Variants in RANBP3 observed in about 807,000 individuals in gnomAD.
RANBP3 encodes the protein ran-binding protein 3.
Under a neutral mutation model 77.3 loss-of-function variants are expected in RANBP3, and 14 were observed. The ratio of observed to expected loss-of-function variants is 0.18; its 90% CI spans 0.12 to 0.28. The LOEUF (loss-of-function observed/expected upper bound fraction) is 0.28, where lower values mean the gene tolerates loss of function less well. RANBP3 is among the 10% of genes least tolerant of loss of function. The pLI, the probability that RANBP3 is intolerant of heterozygous loss-of-function variation, is 1.00. For missense variants in RANBP3, 586 were observed against 752.3 expected, an observed-to-expected ratio of 0.78 and a Z score of 2.59; for synonymous variants, 315 against 312.4, an observed-to-expected ratio of 1.01 and a Z score of -0.09.
intron 1 of RANBP3, among the ~76,000 whole-genome samples, chr19:5,962,377 TG>T (rs1049114197): frequency 6.6e-6 from 1 of 152,180 alleles, no homozygotes; most frequent in African/African-American, 2.4e-5. Flanking sequence ...GGGTGTGTGG[TG>T]ACAGCATCTA....
intron 3 of RANBP3, among the ~76,000 whole-genome samples, chr19:5,944,305 T>C (rs1001634781): frequency 6.6e-6 from 1 of 152,188 alleles, no homozygotes; most frequent in Non-Finnish European, 1.5e-5. Context: ...GGAACCTTTC[T>C]AGAAATGCCA....
intron 5 of RANBP3, chr19:5,935,976 A>C (rs918674102): frequency 2.5e-5 from 8 of 313,776 alleles, no homozygotes; most frequent in Middle Eastern, 7.1e-4. Flanking sequence ...GAGGAAGAGG[A>C]CCCCTCCCGC....
Position 5,916,193 on chromosome 19 carries a change from A to G in RANBP3, c.*1417T>C, listed in dbSNP as rs748798097. 1 of 152,194 alleles carries G rather than the reference A, an allele frequency of 6.6e-6. No individual in the cohort carries two copies. Among genetic ancestry groups the G allele is most frequent in the Non-Finnish European group, 1.5e-5 (1 of 68,026 alleles). The allele number at this position is 152,194 out of a possible 1,614,324, so 9.4% of individuals were successfully genotyped here. On this transcript the variant is annotated 3_prime_UTR_variant, in exon 17 of 17. Transcript: ENST00000340578. ...AATACATTTCATATGACAATCTTAC[A>G]TAAATGTTCCAAAACACATGGGCGT...
intron 3 of RANBP3, 58 bp downstream of exon 3, chr19:5,951,335 G>A: frequency 6.9e-7 from 1 of 1,456,682 alleles, no homozygotes; most frequent in Non-Finnish European, 9.4e-7. Context: ...AGGGAAAGTG[G>A]CTGGTCTGGG....
chr19:5,947,207 G>A (rs992358955), intron 3 of RANBP3, among the ~76,000 whole-genome samples: 16 of 151,870 alleles, frequency 1.1e-4, no homozygotes, highest in Middle Eastern at 6.8e-3. Context: ...CCAGCTACTC[G>A]GGAGGCTGAG....
chr19:5,917,284 G>T lies in RANBP3; in HGVS notation c.*326C>A. On this transcript the variant is annotated 3_prime_UTR_variant, in exon 17 of 17. Coordinates refer to ENST00000340578, the MANE Select transcript of RANBP3 (RefSeq NM_007322.3). ...GCTCTGGCTGGACCCAGAGGCTGGC[G>T]ACACGCGGGGTGAAGGAACGAGGTC... 1 of 401,246 alleles carries T rather than the reference G, an allele frequency of 2.5e-6. No individual in the cohort carries two copies. Among genetic ancestry groups the T allele is most frequent in the Non-Finnish European group, 4.6e-6 (1 of 219,718 alleles). The allele number at this position is 401,246 out of a possible 1,614,324, so 24.9% of individuals were successfully genotyped here.
In RANBP3 at chr19:5,958,502, T is replaced by C. The variant is rs1335419760; in HGVS notation, c.23-529A>G. 1.3e-5 allele frequency among the ~76,000 whole-genome samples: 2 copies of C among 152,258 alleles called. No homozygotes were observed. The highest frequency in any genetic ancestry group is 4.8e-5 in the African/African-American group (2 of 41,478). Reference sequence around the variant, plus strand: ...GGGAGGAAAGGATGTCTGGAGTTGCTAGAGGCCTGAGAGTCCATCTTGCAC... The same window carrying C: ...GGGAGGAAAGGATGTCTGGAGTTGCCAGAGGCCTGAGAGTCCATCTTGCAC... On this transcript the variant is annotated intron_variant, in intron 1 of 16. Coordinates refer to ENST00000340578, the MANE Select transcript of RANBP3 (RefSeq NM_007322.3). The surrounding 1 kb of genome is among the most constrained non-coding windows in gnomAD (Gnocchi z 4.4).
intron 1 of RANBP3, 24 bp downstream of exon 1, chr19:5,978,037 G>A (rs762705506): frequency 6.2e-6 from 10 of 1,608,914 alleles, no homozygotes; most frequent in East Asian, 2.3e-5. Flanking sequence ...GCCGCCAGCC[G>A]GTCCCCAACG....
chr19:5,954,178 G>A (rs8106294), intron 2 of RANBP3, among the ~76,000 whole-genome samples: 1 of 152,212 alleles, frequency 6.6e-6, no homozygotes, highest in Non-Finnish European at 1.5e-5. Context: ...AATGGCGTGA[G>A]AGGGATGGTG....
rs2057739670 is a variant in RANBP3 at position 5,916,503 on chromosome 19, C to T, written c.*1107G>A. ...TGGTGCAAGCTGGCTCTTGGCCATG[C>T]TCCAGGCTCGGGTGGGCACAGGCGT... On this transcript the variant is annotated 3_prime_UTR_variant, in exon 17 of 17. Coordinates refer to ENST00000340578, the MANE Select transcript of RANBP3 (RefSeq NM_007322.3). 1 of 152,332 alleles carries T rather than the reference C, an allele frequency of 6.6e-6. No homozygotes were observed. The highest frequency in any genetic ancestry group is 2.1e-4 in the South Asian group (1 of 4,838). The allele number at this position is 152,332 out of a possible 1,614,324, so 9.4% of individuals were successfully genotyped here.
intron 1 of RANBP3, among the ~76,000 whole-genome samples, chr19:5,975,531 T>C (rs369455404): frequency 5.9e-5 from 9 of 151,640 alleles, no homozygotes; most frequent in South Asian, 4.2e-4. Flanking sequence ...ATTCAACCAA[T>C]ATTTCCTGTG....
At chr19:5,945,804 C>T (rs1010968143) in intron 3 of RANBP3, among the ~76,000 whole-genome samples, 3 of 152,046 alleles carry the variant, frequency 2.0e-5, no homozygotes, top group Non-Finnish European at 2.9e-5. Context: ...AGTGTGGCTC[C>T]GGGGCTCCCA....
At chr19:5,963,321 G>A (rs548999686) in intron 1 of RANBP3, among the ~76,000 whole-genome samples, 4 of 152,324 alleles carry the variant, frequency 2.6e-5, no homozygotes, top group South Asian at 4.1e-4. Flanking sequence ...GGAGGGTGAC[G>A]AGGGAGGATC....
At chr19:5,975,312 G>A (rs891935181) in intron 1 of RANBP3, among the ~76,000 whole-genome samples, 2 of 152,092 alleles carry the variant, frequency 1.3e-5, no homozygotes, top group Non-Finnish European at 2.9e-5. Context: ...ACTTACTAGG[G>A]AAAAAAAGTG....
chr19:5,934,732 G>A (rs545159521), intron 5 of RANBP3, among the ~76,000 whole-genome samples: 5 of 152,320 alleles, frequency 3.3e-5, no homozygotes, highest in Admixed American at 6.5e-5. Flanking sequence ...TACTCAGGAG[G>A]CAGAGGTGGG....
Position 5,941,761 on chromosome 19 carries a change from A to G in RANBP3, c.319+38T>C. Reference sequence around the variant, plus strand: ...AAAAATCAGGTTGCTTCTGTCTTTAAAACTGAAGATGGTCAAAGGTGTTAG... The same window carrying G: ...AAAAATCAGGTTGCTTCTGTCTTTAGAACTGAAGATGGTCAAAGGTGTTAG... On this transcript the variant is annotated intron_variant, in intron 4 of 16. Coordinates refer to ENST00000340578, the MANE Select transcript of RANBP3 (RefSeq NM_007322.3). 4 of 1,612,666 alleles carry G rather than the reference A, an allele frequency of 2.5e-6. No individual in the cohort carries two copies. The South Asian group carries it at 4.4e-5, about 18-fold the overall frequency.
intron 1 of RANBP3, among the ~76,000 whole-genome samples, chr19:5,961,324 TC>T (rs1428569528): frequency 6.6e-6 from 1 of 151,478 alleles, no homozygotes; most frequent in Non-Finnish European, 1.5e-5. Flanking sequence ...GTGCCTTTAG[TC>T]CCAGCAACTC....
At position 5,918,620 on chromosome 19, in the gene RANBP3, C is replaced by A. The variant is rs2057777085; in HGVS notation, c.1349G>T (p.Ser450Ile). ...CTTGGTGTTGAGGATCAGTCGCAGG[C>A]TCCCCTGGGTCCGCATCACTACAAC... is the stretch of plus-strand genomic sequence containing the variant. ...QSRLVMRTQG[S>I]LRLILNTKLW... The change falls in exon 15 of 17, where the codon AGC (serine) becomes ATC (isoleucine). Residue 450 changes from serine to isoleucine, a missense_variant. Coordinates refer to ENST00000340578, the MANE Select transcript of RANBP3 (RefSeq NM_007322.3). 1 of 1,613,844 alleles carries A rather than the reference C, an allele frequency of 6.2e-7. No individual in the cohort carries two copies. The highest frequency in any genetic ancestry group is 8.5e-7 in the Non-Finnish European group (1 of 1,179,918).
Position 5,931,488 on chromosome 19 carries a change from G to A in RANBP3, c.609C>T (p.Cys203=), listed in dbSNP as rs1336319626. 6.2e-7 allele frequency: 1 copy of A among 1,612,778 alleles called. No homozygotes were observed. Residue 203 remains cysteine, a synonymous_variant, in exon 8 of 17, where the codon TGC becomes TGT. Transcript: ENST00000340578. ...GGGATGCTGCGGGCACTGCCCCCGT[G>A]CAGTCTGCTGGGAGGCTGACCCCGT... The part of the protein sequence containing the change: ...GTNGVSLPAD[C]TGAVPAASPD...
Sources: allele counts gnomAD v4.1 joint callset (sites outside exome capture counted in the v4.1 genomes callset), GRCh38; gene constraint gnomAD v4.1.1; non-coding constraint Gnocchi (gnomAD v3.1); transcripts MANE v1.5; gene names NCBI Gene and HGNC (gene_info 2026-07-23, HGNC 2026-07-21).